NADK2: variants seen among roughly 807,000 people sequenced by gnomAD.
The protein encoded by NADK2 is NAD kinase 2, mitochondrial, also known as NAD kinase domain-containing protein 1, mitochondrial.
NADK2 carries 35 observed loss-of-function variants against 62.1 expected under a neutral mutation model. The observed-to-expected ratio is 0.56, with a 90% confidence interval of 0.43 to 0.75. The LOEUF (loss-of-function observed/expected upper bound fraction) is 0.75. Ranked by LOEUF, NADK2 falls within the 30% of genes least tolerant of loss-of-function variation. NADK2 has a pLI of 0.00. For synonymous variants in NADK2, 205 were observed against 207.9 expected, an observed-to-expected ratio of 0.99 and a Z score of 0.12; for missense variants, 439 against 561.3, an observed-to-expected ratio of 0.78 and a Z score of 2.20.
In NADK2 at chr5:36,241,543, G is replaced by T. The variant is rs1349138768; in HGVS notation, c.256C>A (p.Arg86=). The T allele has an allele frequency of 6.4e-7, 1 of 1,568,592 alleles. No homozygotes were observed. Among genetic ancestry groups the T allele is most frequent in the South Asian group, 1.1e-5 (1 of 87,648 alleles). Residue 86 remains arginine, a synonymous_variant, in exon 1 of 12, where the codon CGG becomes AGG. Coordinates refer to ENST00000381937, the MANE Select transcript of NADK2 (RefSeq NM_001085411.3). This position sits in a 1 kb window ranked among gnomAD's most constrained non-coding sequence, Gnocchi z 4.9. ...KTTRYEFEQQ[R]YRYAELSEED... ...TCCGAGAGCTCCGCGTAACGGTACC[G>T]CTGCTGCTCGAACTCGTACCGGGTG...
chr5:36,229,354 A>C (rs1479347591), intron 1 of NADK2, among the ~76,000 whole-genome samples: 1 of 152,226 alleles, frequency 6.6e-6, no homozygotes, highest in Non-Finnish European at 1.5e-5. Flanking sequence ...TTAAACTTAG[A>C]CTAAGCAACC....
chr5:36,241,879 G>A lies in NADK2; in HGVS notation c.-81C>T. 1 of 1,074,590 alleles carries A rather than the reference G, an allele frequency of 9.3e-7. No individual in the cohort carries two copies. The highest frequency in any genetic ancestry group is 1.1e-6 in the Non-Finnish European group (1 of 879,776). The allele number at this position is 1,074,590 out of a possible 1,614,324, so 66.6% of individuals were successfully genotyped here. A position where few individuals can be genotyped will look rare whatever the true frequency, so the allele number is the denominator to read the frequency against. The stretch of plus-strand genomic sequence containing the variant: ...ACCGCCGGGAGTGCGCGCCGTCCGC[G>A]CCGCCCGGGCCTCTAACTTCGCGCC... On this transcript the variant is annotated 5_prime_UTR_variant, in exon 1 of 12. Coordinates refer to ENST00000381937, the MANE Select transcript of NADK2 (RefSeq NM_001085411.3). This position sits in a 1 kb window ranked among gnomAD's most constrained non-coding sequence, Gnocchi z 4.9.
chr5:36,236,724 T>C (rs1279477417), intron 1 of NADK2, among the ~76,000 whole-genome samples: 2 of 151,998 alleles, frequency 1.3e-5, no homozygotes, highest in African/African-American at 4.8e-5. Flanking sequence ...TCAAAGAGTT[T>C]ACAGTTTAGA....
At chr5:36,195,401 G>T in intron 11 of NADK2, 119 bp from the exon 12 acceptor site, 1 of 1,069,348 alleles carries the variant, frequency 9.4e-7, no homozygotes, top group Non-Finnish European at 1.3e-6. Flanking sequence ...TTGTTCTCTG[G>T]TATGAGAAAA....
intron 7 of NADK2, among the ~76,000 whole-genome samples, chr5:36,208,281 G>A (rs1746712017): frequency 6.6e-6 from 1 of 151,888 alleles, no homozygotes; most frequent in South Asian, 2.1e-4. Flanking sequence ...ATAAAAGATA[G>A]CAGGCCTAAT....
intron 1 of NADK2, among the ~76,000 whole-genome samples, chr5:36,231,767 A>C (rs149383157): frequency 2.2e-4 from 33 of 152,346 alleles, no homozygotes; most frequent in African/African-American, 7.5e-4. Context: ...CTTTAATCAG[A>C]CAAAAATAAG....
intron 1 of NADK2, among the ~76,000 whole-genome samples, chr5:36,228,639 G>C (rs936214701): frequency 2.0e-5 from 3 of 148,420 alleles, no homozygotes; most frequent in African/African-American, 7.5e-5. Context: ...TTTTTTTTGA[G>C]ACGGGGTCTG....
intron 6 of NADK2, among the ~76,000 whole-genome samples, chr5:36,217,271 A>C (rs1747079045): frequency 6.6e-6 from 1 of 152,192 alleles, no homozygotes; most frequent in Non-Finnish European, 1.5e-5. Flanking sequence ...TCCTAACAAA[A>C]AAAGCTGCCA....
At chr5:36,216,664 T>C (rs1385885221) in intron 6 of NADK2, among the ~76,000 whole-genome samples, 1 of 152,130 alleles carries the variant, frequency 6.6e-6, no homozygotes, top group Non-Finnish European at 1.5e-5. Context: ...ATATGAAATA[T>C]TAACTTCATT....
chr5:36,229,207 GT>G (rs35096818), intron 1 of NADK2, among the ~76,000 whole-genome samples: 141,302 of 152,182 alleles, frequency 0.93, 66,052 homozygotes, highest in Non-Finnish European at 0.98. Flanking sequence ...TGTAATTTTC[GT>G]TATGTTCTCA....
intron 1 of NADK2, among the ~76,000 whole-genome samples, chr5:36,234,360 GA>G (rs1166319685): frequency 9.6e-6 from 1 of 104,340 alleles, no homozygotes; most frequent in African/African-American, 4.0e-5. Context: ...GCGACAGAGC[GA>G]AACTCCGTCT....
At chr5:36,213,268 C>G (rs918926613) in intron 6 of NADK2, 1 of 152,070 alleles carries the variant, frequency 6.6e-6, no homozygotes, top group Non-Finnish European at 1.5e-5. Context: ...ATTTAAGATG[C>G]TAAACTGAGT....
intron 11 of NADK2, among the ~76,000 whole-genome samples, chr5:36,197,122 C>A (rs568676710): frequency 2.0e-5 from 3 of 152,004 alleles, no homozygotes; most frequent in East Asian, 1.9e-4. Flanking sequence ...TTAGGGAAAA[C>A]CTAGAAGAAA....
intron 4 of NADK2, among the ~76,000 whole-genome samples, chr5:36,224,304 A>C (rs1410715193): frequency 6.6e-6 from 1 of 152,048 alleles, no homozygotes; most frequent in Non-Finnish European, 1.5e-5. Flanking sequence ...ATGAAGAAAC[A>C]TTTGCATTTT....
rs948088684 is a variant in NADK2, at chr5:36,217,043, C to T, written c.781+705G>A. Reference sequence around the variant, plus strand: ...CTCTGGAATAAGGGGATATAAACATCAGGTACCATGAGAGAGCAGAGGCAG... The same window carrying T: ...CTCTGGAATAAGGGGATATAAACATTAGGTACCATGAGAGAGCAGAGGCAG... On this transcript the variant is annotated intron_variant, in intron 6 of 11. Coordinates refer to ENST00000381937, the MANE Select transcript of NADK2 (RefSeq NM_001085411.3). Among the ~76,000 whole-genome samples, 6 of 152,012 alleles carry T rather than the reference C, an allele frequency of 3.9e-5. No homozygotes were observed. In the East Asian group the frequency reaches 1.2e-3, roughly 29 times the overall value.
At chr5:36,201,371 G>A (rs1359703484) in intron 8 of NADK2, among the ~76,000 whole-genome samples, 2 of 151,874 alleles carry the variant, frequency 1.3e-5, no homozygotes, top group African/African-American at 4.8e-5. Context: ...TATTGCAGTT[G>A]GAGAGCAATT....
At chr5:36,223,671 G>A (rs1003688780) in intron 4 of NADK2, among the ~76,000 whole-genome samples, 12 of 152,146 alleles carry the variant, frequency 7.9e-5, no homozygotes, top group Admixed American at 7.9e-4. Context: ...TCGGTAAGTA[G>A]GATATCACTG....
intron 11 of NADK2, among the ~76,000 whole-genome samples, 175 bp from the exon 12 acceptor site, chr5:36,195,457 C>T (rs1472600489): frequency 1.3e-5 from 2 of 152,094 alleles, no homozygotes; most frequent in Non-Finnish European, 2.9e-5. Flanking sequence ...GGTCTCAAAA[C>T]GTTCAGGATG....
intron 4 of NADK2, among the ~76,000 whole-genome samples, chr5:36,223,876 C>G (rs770621428): frequency 1.3e-5 from 2 of 151,898 alleles, no homozygotes; most frequent in Non-Finnish European, 2.9e-5. Context: ...AAACAGGAGT[C>G]TTGAACAAGT....
Sources: gnomAD v4.1 joint callset for allele counts (sites outside exome capture counted in the v4.1 genomes callset) on GRCh38, gnomAD v4.1.1 for gene constraint, Gnocchi (gnomAD v3.1) non-coding constraint, MANE v1.5 for transcripts, NCBI Gene and HGNC (gene_info 2026-07-23, HGNC 2026-07-21) for gene names.